CACNA1C: variants seen among roughly 807,000 people sequenced by gnomAD.
CACNA1C encodes the protein calcium voltage-gated channel subunit alpha1 C.
In CACNA1C, 30 loss-of-function variants were observed where a neutral mutation model predicts 229.0. The ratio of observed to expected loss-of-function variants is 0.13; its 90% CI spans 0.10 to 0.18. The LOEUF (loss-of-function observed/expected upper bound fraction) is 0.18, where lower values mean the gene tolerates loss of function less well. Ranked by LOEUF, CACNA1C falls within the 10% of genes least tolerant of loss-of-function variation. CACNA1C has a pLI of 1.00. For missense variants in CACNA1C, 1,658 were observed against 2,845.0 expected (o/e 0.58, Z 9.49); for synonymous variants, 1,114 against 1,132.5 (o/e 0.98, Z 0.33).
At chr12:2,603,918 G>T (rs2074031283) in intron 22 of CACNA1C, 1 of 152,242 alleles carries the variant, frequency 6.6e-6, no homozygotes, top group South Asian at 2.1e-4. Context: ...CAGCCATGTA[G>T]AAATGTGATT....
intron 3 of CACNA1C, chr12:2,269,713 C>G (rs2083992224): frequency 6.6e-6 from 1 of 152,144 alleles, no homozygotes; most frequent in African/African-American, 2.4e-5. Flanking sequence ...TTCAACGGAA[C>G]AGAGTTTCTT....
chr12:2,460,602 C>T (rs865866061), intron 5 of CACNA1C, among the ~76,000 whole-genome samples: 36 of 152,292 alleles, frequency 2.4e-4, no homozygotes, highest in South Asian at 8.3e-4. Flanking sequence ...GTAAGGTAGA[C>T]GTGTCTTGTA....
At chr12:2,606,948 A>T (rs759223402) in intron 25 of CACNA1C, 36 bp from the exon 26 acceptor site, 3 of 1,607,034 alleles carry the variant, frequency 1.9e-6, no homozygotes, top group Non-Finnish European at 2.6e-6. Context: ...GGAAGATGGG[A>T]GATCCCAGAG....
At chr12:2,239,357 T>G (rs1363146354) in intron 3 of CACNA1C, among the ~76,000 whole-genome samples, 1 of 151,080 alleles carries the variant, frequency 6.6e-6, no homozygotes, top group Admixed American at 6.6e-5. Context: ...AGGCTTTCCT[T>G]CCACACACAC....
At chr12:2,579,858 AG>A (rs2059884544) in intron 13 of CACNA1C, among the ~76,000 whole-genome samples, 1 of 152,122 alleles carries the variant, frequency 6.6e-6, no homozygotes, top group African/African-American at 2.4e-5. Context: ...ATCCTCCCAA[AG>A]GGGGTTATAG....
chr12:2,299,224 G>A (rs1470577099), intron 3 of CACNA1C, among the ~76,000 whole-genome samples: 1 of 152,170 alleles, frequency 6.6e-6, no homozygotes, highest in African/African-American at 2.4e-5. Context: ...GGGTGCCTGG[G>A]CCCCACCTCC....
chr12:2,625,420 G>A lies in CACNA1C; in HGVS notation c.3829-8877G>A, dbSNP rs147789404. Among the ~76,000 whole-genome samples the A allele has an allele frequency of 6.0e-3, 911 of 152,288 alleles. 7 individuals carry two copies. The highest frequency in any genetic ancestry group is 0.016 in the African/African-American group (656 of 41,564). On this transcript the variant is annotated intron_variant, in intron 29 of 46. Transcript: ENST00000399655. ...AGGGATTCCCAGACCTACAGGGTGC[G>A]TCGGCGATAACCCGACCCACCAAAG...
intron 3 of CACNA1C, among the ~76,000 whole-genome samples, chr12:2,294,696 T>C (rs1213917193): frequency 1.3e-5 from 2 of 152,058 alleles, no homozygotes; most frequent in African/African-American, 4.8e-5. Flanking sequence ...GCGGGTGAAA[T>C]GGCTTTGTTA....
rs2239098 is a variant in CACNA1C at position 2,512,746 on chromosome 12, G to A, written c.1218-66G>A. The A allele has an allele frequency of 0.046, 57,601 of 1,243,592 alleles. 1,694 individuals are homozygous for A. The highest frequency in any genetic ancestry group is 0.12 in the East Asian group (4,838 of 40,730). 77.0% of individuals were successfully genotyped at this position (1,243,592 alleles called of 1,614,324 possible). On this transcript the variant is annotated intron_variant, in intron 8 of 46. Transcript: ENST00000399655. The surrounding 1 kb of genome is among the most constrained non-coding windows in gnomAD (Gnocchi z 4.3). The stretch of plus-strand genomic sequence containing the variant: ...TATCTCCATCTCTCCTTCCATCCTC[G>A]ACCCTTCTCGGTGCTCCCTCCTTCT...
chr12:2,465,514 C>T (rs1478265441), intron 5 of CACNA1C, among the ~76,000 whole-genome samples: 1 of 152,046 alleles, frequency 6.6e-6, no homozygotes, highest in Non-Finnish European at 1.5e-5. Context: ...GGGCCAGTCT[C>T]GGCCAGCACA....
Position 2,649,363 on chromosome 12 carries a change from C to T in CACNA1C, c.3945+856C>T, listed in dbSNP as rs964251261. 1.3e-5 allele frequency among the ~76,000 whole-genome samples: 2 copies of T among 152,234 alleles called. No homozygotes were observed. The highest frequency in any genetic ancestry group is 2.9e-5 in the Non-Finnish European group (2 of 68,040). ...GGGTTGATTGACCAAGCCACCAAGT[C>T]TGCAGGCCGAGGCAAGCTTGGGTGG... On this transcript the variant is annotated intron_variant, in intron 31 of 46. Transcript: ENST00000399655. This position sits in a 1 kb window ranked among gnomAD's most constrained non-coding sequence, Gnocchi z 4.4.
chr12:2,461,123 C>T (rs1470512398), intron 5 of CACNA1C, among the ~76,000 whole-genome samples: 1 of 152,254 alleles, frequency 6.6e-6, no homozygotes, highest in Admixed American at 6.5e-5. Context: ...CCCATTCTCT[C>T]TTGAATCCAC....
chr12:2,450,327 G>T (rs1190809655), intron 4 of CACNA1C, among the ~76,000 whole-genome samples: 2 of 151,994 alleles, frequency 1.3e-5, no homozygotes, highest in Non-Finnish European at 2.9e-5. Context: ...GGCCAAGGCG[G>T]GCGGATCACG....
chr12:2,310,700 C>T (rs140336507), intron 3 of CACNA1C, among the ~76,000 whole-genome samples: 121 of 152,280 alleles, frequency 7.9e-4, no homozygotes, highest in African/African-American at 2.6e-3. Context: ...CAAGGGCTTT[C>T]GACTCACAGG....
intron 3 of CACNA1C, among the ~76,000 whole-genome samples, chr12:2,163,455 A>C (rs1456954966): frequency 6.6e-6 from 1 of 151,566 alleles, no homozygotes; most frequent in Non-Finnish European, 1.5e-5. Flanking sequence ...TTTTTCTGTC[A>C]TCTGTGATGC....
At chr12:2,068,732 T>G (rs2060244784) in intron 1 of CACNA1C, among the ~76,000 whole-genome samples, 1 of 152,222 alleles carries the variant, frequency 6.6e-6, no homozygotes, top group South Asian at 2.1e-4. Flanking sequence ...GCAGGCCCTG[T>G]GGCCACCATC....
chr12:2,662,102 C>T (rs890076382), intron 34 of CACNA1C, among the ~76,000 whole-genome samples: 2 of 151,834 alleles, frequency 1.3e-5, no homozygotes, highest in Admixed American at 6.6e-5. Flanking sequence ...ATTAGCCGGG[C>T]GTGGTAGCAG....
In CACNA1C at chr12:2,696,164, G is replaced by C. The variant is rs1247417653; in HGVS notation, c.*4965G>C. On this transcript the variant is annotated 3_prime_UTR_variant, in exon 47 of 47. Coordinates refer to ENST00000399655, the MANE Select transcript of CACNA1C (RefSeq NM_000719.7). ...GAGCCACAGCACCTGAAGTGGCAAA[G>C]ATCCATGGTCTTTGTAGGGTATTAG... 2 of 152,220 alleles carry C rather than the reference G, an allele frequency of 1.3e-5. No individual in the cohort carries two copies. Among genetic ancestry groups the C allele is most frequent in the Admixed American group, 1.3e-4 (2 of 15,288 alleles). 9.4% of individuals were successfully genotyped at this position (152,220 alleles called of 1,614,324 possible). A position where few individuals can be genotyped will look rare whatever the true frequency, so the allele number is the denominator to read the frequency against.
At chr12:2,681,328 C>T (rs1435289995) in intron 42 of CACNA1C, among the ~76,000 whole-genome samples, 1 of 152,240 alleles carries the variant, frequency 6.6e-6, no homozygotes, top group Non-Finnish European at 1.5e-5. Context: ...GTGCCCAGCA[C>T]ACAGTCGGTG....
Sources: gnomAD v4.1 joint callset for allele counts (sites outside exome capture counted in the v4.1 genomes callset) on GRCh38, gnomAD v4.1.1 for gene constraint, Gnocchi (gnomAD v3.1) non-coding constraint, MANE v1.5 for transcripts, NCBI Gene and HGNC (gene_info 2026-07-23, HGNC 2026-07-21) for gene names.